The following SOS2 variants were observed in gnomAD, a reference collection of about 807,000 sequenced individuals.
The protein encoded by SOS2 is SOS Ras/Rho guanine nucleotide exchange factor 2.
SOS2 carries 65 observed loss-of-function variants against 148.2 expected under a neutral mutation model. The ratio of observed to expected loss-of-function variants is 0.44; its 90% CI spans 0.36 to 0.54. The LOEUF (loss-of-function observed/expected upper bound fraction) is 0.54. Among genes scored for constraint, SOS2 ranks in the 20% least tolerant of loss-of-function variants. The pLI, the probability that SOS2 is intolerant of heterozygous loss-of-function variation, is 0.00. For synonymous variants in SOS2, 539 were observed against 537.1 expected (o/e 1.00, Z -0.05); for missense variants, 1,341 against 1,590.2 (o/e 0.84, Z 2.67).
chr14:50,134,075 A>G (rs762676777), intron 19 of SOS2, 48 bp downstream of exon 19: 13 of 910,384 alleles, frequency 1.4e-5, no homozygotes, highest in East Asian at 2.4e-5. Context: ...ATTGAAAATA[A>G]TATTTTAAAA....
chr14:50,178,723 C>G (rs60628651), intron 7 of SOS2, among the ~76,000 whole-genome samples: 1 of 4,230 alleles, frequency 2.4e-4, no homozygotes, highest in African/African-American at 6.6e-4. Context: ...CACACATATA[C>G]ACACACATAT....
chr14:50,211,309 A>G (rs1038133928), intron 1 of SOS2, among the ~76,000 whole-genome samples: 2 of 152,210 alleles, frequency 1.3e-5, no homozygotes, highest in African/African-American at 4.8e-5. Flanking sequence ...TTACTTTTCA[A>G]CTGTGGCTAT....
intron 1 of SOS2, among the ~76,000 whole-genome samples, chr14:50,224,492 G>A (rs111508956): frequency 7.2e-5 from 11 of 152,030 alleles, no homozygotes; most frequent in African/African-American, 2.7e-4. Flanking sequence ...ATATTCTTCT[G>A]GAAGCCAAAT....
intron 7 of SOS2, among the ~76,000 whole-genome samples, chr14:50,177,610 A>G (rs1282915916): frequency 1.3e-5 from 2 of 152,184 alleles, no homozygotes; most frequent in Admixed American, 6.6e-5. Context: ...ATGAGTATCC[A>G]AAGTTCTTAT....
intron 1 of SOS2, among the ~76,000 whole-genome samples, chr14:50,217,788 G>C (rs903939992): frequency 6.6e-5 from 10 of 151,632 alleles, no homozygotes; most frequent in Admixed American, 1.3e-4. Context: ...AACCCCGTCT[G>C]TACTAAAAAT....
At chr14:50,213,070 GAATAAAGAA>G (rs1886930761) in intron 1 of SOS2, among the ~76,000 whole-genome samples, 1 of 152,088 alleles carries the variant, frequency 6.6e-6, no homozygotes. Flanking sequence ...GAAAAATATG[GAATAAAGAA>G]AATAAAGGAA....
At chr14:50,188,423 A>G in intron 5 of SOS2, 74 bp downstream of exon 5, 4 of 1,001,560 alleles carry the variant, frequency 4.0e-6, no homozygotes, top group South Asian at 1.4e-5. Flanking sequence ...AATAAAAAAA[A>G]GTGACTATTT....
chr14:50,176,696 G>T (rs1885533644), intron 7 of SOS2, among the ~76,000 whole-genome samples: 1 of 152,216 alleles, frequency 6.6e-6, no homozygotes, highest in African/African-American at 2.4e-5. Context: ...GAGATTAAGT[G>T]AATTGCTCAA....
intron 4 of SOS2, among the ~76,000 whole-genome samples, chr14:50,193,006 G>GT (rs1886196930): frequency 6.6e-6 from 1 of 151,396 alleles, no homozygotes; most frequent in African/African-American, 2.4e-5. Context: ...CCTTTTTTTT[G>GT]GTTTTTTTTG....
In SOS2 at chr14:50,133,265, G is replaced by C. The variant is rs758166866; in HGVS notation, c.3075+858C>G. On this transcript the variant is annotated intron_variant, in intron 19 of 22. Coordinates refer to ENST00000216373, the MANE Select transcript of SOS2 (RefSeq NM_006939.4). ...TTCTTTTTTCTTTTTTTTTTTTTTTGAGACGGGGTCTTGCTCTGTCACCCA... is the reference window on the plus strand; with the variant it reads ...TTCTTTTTTCTTTTTTTTTTTTTTTCAGACGGGGTCTTGCTCTGTCACCCA... 4.8e-3 allele frequency among the ~76,000 whole-genome samples: 23 copies of C among 4,752 alleles called. 2 individuals carry two copies. Among genetic ancestry groups the C allele is most frequent in the Admixed American group, 0.031 (15 of 486 alleles). The allele number at this position is 4,752 out of a possible 152,430, so 3.1% of individuals were successfully genotyped here.
At chr14:50,181,541 C>T (rs778591759) in intron 6 of SOS2, among the ~76,000 whole-genome samples, 5 of 150,708 alleles carry the variant, frequency 3.3e-5, no homozygotes, top group Non-Finnish European at 7.4e-5. Context: ...AAAAACTCTA[C>T]AACCTATGGA....
intron 1 of SOS2, among the ~76,000 whole-genome samples, chr14:50,210,945 A>G (rs951987929): frequency 2.6e-5 from 4 of 152,268 alleles, no homozygotes; most frequent in Non-Finnish European, 5.9e-5. Flanking sequence ...CTGGAATGTA[A>G]AATGTTTCAA....
At chr14:50,147,325 T>C (rs548583000) in intron 14 of SOS2, among the ~76,000 whole-genome samples, 3 of 151,888 alleles carry the variant, frequency 2.0e-5, no homozygotes, top group East Asian at 1.9e-4. Context: ...CTGGGCAACA[T>C]AGCAAGACCT....
rs935795152 is a variant in SOS2, at chr14:50,158,511, TAC to T, written c.1934+52_1934+53del. The T allele has an allele frequency of 5.1e-4, 550 of 1,080,772 alleles. 2 individuals carry two copies. The highest frequency in any genetic ancestry group is 2.1e-3 in the Middle Eastern group (9 of 4,342). 66.9% of individuals were successfully genotyped at this position (1,080,772 alleles called of 1,614,324 possible). On this transcript the variant is annotated intron_variant, in intron 11 of 22. Transcript: ENST00000216373. ...ATTAGGTACTAGGCACTTTACAAAA[TAC>T]AGTTAATTTTTCACAAAATGTCAAT...
In SOS2 at chr14:50,224,312, T is replaced by A. The variant is rs535613369; in HGVS notation, c.87+6885A>T. Among the ~76,000 whole-genome samples the A allele has an allele frequency of 5.4e-3, 285 of 53,266 alleles. 16 individuals carry two copies. The highest frequency in any genetic ancestry group is 0.017 in the African/African-American group (267 of 15,938). 34.9% of individuals were successfully genotyped at this position (53,266 alleles called of 152,430 possible). ...TCTCAGGAAAAAAAAAAAATATATATATACACACACACACACACACACACA... is the reference window on the plus strand; with the variant it reads ...TCTCAGGAAAAAAAAAAAATATATAAATACACACACACACACACACACACA... On this transcript the variant is annotated intron_variant, in intron 1 of 22. Coordinates refer to ENST00000216373, the MANE Select transcript of SOS2 (RefSeq NM_006939.4).
At chr14:50,175,983 G>A (rs970526728) in intron 7 of SOS2, among the ~76,000 whole-genome samples, 1 of 152,180 alleles carries the variant, frequency 6.6e-6, no homozygotes, top group African/African-American at 2.4e-5. Flanking sequence ...CATTTGTTAT[G>A]ATCTGAATGT....
At chr14:50,229,808 C>T (rs888921687) in intron 1 of SOS2, among the ~76,000 whole-genome samples, 2 of 152,184 alleles carry the variant, frequency 1.3e-5, no homozygotes, top group Non-Finnish European at 2.9e-5. Context: ...TATAGGCCTA[C>T]CTGATTACTG....
At chr14:50,137,969 A>G (rs938647735) in intron 18 of SOS2, among the ~76,000 whole-genome samples, 19 of 151,960 alleles carry the variant, frequency 1.3e-4, no homozygotes, top group African/African-American at 3.1e-4. Context: ...TCTCCCAAGT[A>G]GCTGGGATTA....
intron 21 of SOS2, 125 bp downstream of exon 21, chr14:50,129,836 A>G: frequency 1.7e-6 from 1 of 602,288 alleles, no homozygotes; most frequent in Non-Finnish European, 2.9e-6. Flanking sequence ...GTAAGCAAAT[A>G]ATTAAATTTA....
Sources: allele counts gnomAD v4.1 joint callset (sites outside exome capture counted in the v4.1 genomes callset), GRCh38; gene constraint gnomAD v4.1.1; transcripts MANE v1.5; gene names NCBI Gene and HGNC (gene_info 2026-07-23, HGNC 2026-07-21).